The following PRKCH variants were observed in gnomAD, a reference collection of about 807,000 sequenced individuals.
PRKCH encodes the protein protein kinase C eta type.
A neutral mutation model predicts 82.5 loss-of-function variants in PRKCH; 28 were observed. That is an observed-to-expected ratio of 0.34 (90% CI 0.25 to 0.47). PRKCH has a LOEUF of 0.47. Ranked by LOEUF, PRKCH falls within the 20% of genes least tolerant of loss-of-function variation. The pLI is 1.00. For missense variants in PRKCH, 705 were observed against 881.8 expected (o/e 0.80, Z 2.54); for synonymous variants, 322 against 327.4 (o/e 0.98, Z 0.18).
At chr14:61,222,801 G>C (rs945273813) in intron 1 of PRKCH, among the ~76,000 whole-genome samples, 4 of 152,180 alleles carry the variant, frequency 2.6e-5, no homozygotes, top group Admixed American at 2.6e-4. Flanking sequence ...CTTATATTCT[G>C]TCTTCTTGGG....
rs184023425 is a variant in PRKCH at position 61,216,430 on chromosome 14, A to G, written c.-19+28762A>G. On this transcript the variant is annotated intron_variant, in intron 1 of 3. Coordinates refer to the PRKCH transcript ENST00000555185. ...GGTTGCAGTCAGCTGAGATTGGGCC[A>G]CTGCACTCCGGCCTGTGTGATAGAG... Among the ~76,000 whole-genome samples the G allele has an allele frequency of 8.2e-3, 1,252 of 152,098 alleles. 8 individuals carry two copies. The highest frequency in any genetic ancestry group is 0.013 in the Non-Finnish European group (856 of 68,006).
At chr14:61,404,645 C>T (rs1881841569) in intron 2 of PRKCH, among the ~76,000 whole-genome samples, 2 of 152,190 alleles carry the variant, frequency 1.3e-5, no homozygotes, top group Non-Finnish European at 2.9e-5. Context: ...TGTACCTCCA[C>T]AGGTGGTACA....
intron 2 of PRKCH, among the ~76,000 whole-genome samples, chr14:61,425,412 C>T (rs1252403426): frequency 6.6e-6 from 1 of 152,192 alleles, no homozygotes; most frequent in Non-Finnish European, 1.5e-5. Flanking sequence ...GACATGGAGT[C>T]AAAGGAGATC....
chr14:61,403,513 G>A (rs1195558511), intron 2 of PRKCH, among the ~76,000 whole-genome samples: 2 of 152,210 alleles, frequency 1.3e-5, no homozygotes, highest in African/African-American at 4.8e-5. Context: ...TTATAAGCCT[G>A]TTCTCATAAA....
At chr14:61,242,996 A>G (rs2044852393) in intron 1 of PRKCH, among the ~76,000 whole-genome samples, 1 of 152,308 alleles carries the variant, frequency 6.6e-6, no homozygotes, top group African/African-American at 2.4e-5. Flanking sequence ...TAAATACACA[A>G]ATAATTAATT....
intron 1 of PRKCH, among the ~76,000 whole-genome samples, chr14:61,217,635 C>T (rs944360529): frequency 6.6e-6 from 1 of 152,108 alleles, no homozygotes; most frequent in African/African-American, 2.4e-5. Context: ...GCTTCTTCCT[C>T]CTCACTAACT....
intron 1 of PRKCH, among the ~76,000 whole-genome samples, chr14:61,233,600 C>T (rs1408831368): frequency 6.6e-6 from 1 of 152,118 alleles, no homozygotes; most frequent in Non-Finnish European, 1.5e-5. Flanking sequence ...TCCCATAATC[C>T]TCATGTGTGG....
intron 2 of PRKCH, among the ~76,000 whole-genome samples, chr14:61,429,554 CAG>C (rs1883286680): frequency 6.6e-6 from 1 of 152,150 alleles, no homozygotes; most frequent in Non-Finnish European, 1.5e-5. Flanking sequence ...TTCAGGGCCT[CAG>C]GGAATCCTAG....
At chr14:61,383,740 A>G (rs2046546481) in intron 1 of PRKCH, among the ~76,000 whole-genome samples, 1 of 151,972 alleles carries the variant, frequency 6.6e-6, no homozygotes, top group Non-Finnish European at 1.5e-5. Flanking sequence ...CCAAGCAGAG[A>G]ACACGGCATG....
chr14:61,225,772 T>C (rs1290362765), intron 1 of PRKCH, among the ~76,000 whole-genome samples: 1 of 151,696 alleles, frequency 6.6e-6, no homozygotes, highest in East Asian at 1.9e-4. Flanking sequence ...AGGGTCTTGC[T>C]CTGTTGTGCA....
chr14:61,354,320 C>T lies in PRKCH; in HGVS notation c.363+31856C>T, dbSNP rs183733417. Among the ~76,000 whole-genome samples the T allele has an allele frequency of 2.6e-5, 4 of 152,070 alleles. No homozygotes were observed. The East Asian group carries it at 7.7e-4, about 29-fold the overall frequency. Reference sequence around the variant, plus strand: ...CTTTTCCCACTTAATTGTATAATTGCAGTTCCCATGTTGCTTATAATAGCT... The same window carrying T: ...CTTTTCCCACTTAATTGTATAATTGTAGTTCCCATGTTGCTTATAATAGCT... On this transcript the variant is annotated intron_variant, in intron 1 of 13. Transcript: ENST00000332981.
At chr14:61,464,037 C>T (rs1214269640) in intron 9 of PRKCH, among the ~76,000 whole-genome samples, 1 of 152,202 alleles carries the variant, frequency 6.6e-6, no homozygotes, top group Non-Finnish European at 1.5e-5. Context: ...CATGAGAGTG[C>T]AGGCATCTTT....
chr14:61,205,125 G>A (rs2044512321), intron 1 of PRKCH, among the ~76,000 whole-genome samples: 1 of 152,210 alleles, frequency 6.6e-6, no homozygotes, highest in South Asian at 2.1e-4. Flanking sequence ...CAACATTGGA[G>A]CAACAGTGAA....
intron 1 of PRKCH, among the ~76,000 whole-genome samples, chr14:61,212,278 G>C (rs1384580038): frequency 2.0e-5 from 3 of 152,220 alleles, no homozygotes; most frequent in Admixed American, 2.0e-4. Flanking sequence ...AAGAATTGCA[G>C]AGTGTTTTTC....
upstream of PRKCH, among the ~76,000 whole-genome samples, chr14:61,319,727 C>T (rs368551789): frequency 4.2e-4 from 64 of 152,246 alleles, 1 homozygote; most frequent in East Asian, 0.012. Context: ...AGGGTAGATG[C>T]GACATCTTCC....
intron 2 of PRKCH, among the ~76,000 whole-genome samples, chr14:61,404,041 C>T (rs1881806485): frequency 6.6e-6 from 1 of 152,154 alleles, no homozygotes; most frequent in Non-Finnish European, 1.5e-5. Context: ...GTTTGTTTTC[C>T]AGGCCACTTG....
intron 10 of PRKCH, among the ~76,000 whole-genome samples, chr14:61,503,992 A>T (rs748253278): frequency 6.6e-6 from 1 of 152,190 alleles, no homozygotes; most frequent in African/African-American, 2.4e-5. Context: ...AGAGTTCAAG[A>T]TAAGAAGGGT....
At chr14:61,340,875 C>T (rs1262731513) in intron 1 of PRKCH, among the ~76,000 whole-genome samples, 1 of 152,226 alleles carries the variant, frequency 6.6e-6, no homozygotes, top group Non-Finnish European at 1.5e-5. Context: ...TTTTCTTTCT[C>T]CTTTACCTCT....
intron 1 of PRKCH, among the ~76,000 whole-genome samples, chr14:61,263,847 T>TTGTGTGTGTGTGTGTGTGTG (rs56280986): frequency 1.4e-4 from 20 of 144,194 alleles, no homozygotes; most frequent in Admixed American, 2.8e-4. Context: ...AGTCAGAGTA[T>TTGTGTGTGTGTGTGTGTGTG]TGTGTGTGTG....
Sources: gnomAD v4.1 joint callset for allele counts (sites outside exome capture counted in the v4.1 genomes callset) on GRCh38, gnomAD v4.1.1 for gene constraint, MANE v1.5 for transcripts, NCBI Gene and HGNC (gene_info 2026-07-23, HGNC 2026-07-21) for gene names.